The following SMYD3 variants were observed in gnomAD, a reference collection of about 807,000 sequenced individuals.
SMYD3 encodes the protein histone-lysine N-methyltransferase SMYD3.
SMYD3 carries 36 observed loss-of-function variants against 57.7 expected under a neutral mutation model. That is an observed-to-expected ratio of 0.62 (90% CI 0.48 to 0.82). The LOEUF (loss-of-function observed/expected upper bound fraction) is 0.82, where lower values mean the gene tolerates loss of function less well. SMYD3 is among the 40% of genes least tolerant of loss of function. The probability of loss-of-function intolerance (pLI) is 0.00; values close to 1 mark genes in which losing one functional copy is unlikely to be tolerated. For missense variants in SMYD3, 515 were observed against 538.8 expected (o/e 0.96, Z 0.44); for synonymous variants, 211 against 195.0 (o/e 1.08, Z -0.68).
chr1:246,297,670 G>A (rs981938318), intron 5 of SMYD3, among the ~76,000 whole-genome samples: 1 of 152,182 alleles, frequency 6.6e-6, no homozygotes, highest in South Asian at 2.1e-4. Flanking sequence ...ATATTTTTCT[G>A]ATGCATCAAA....
In SMYD3 at chr1:245,827,852, A is replaced by C. The variant is rs971674133; in HGVS notation, c.1076+30644T>G. On this transcript the variant is annotated intron_variant, in intron 10 of 11. Coordinates refer to ENST00000490107, the MANE Select transcript of SMYD3 (RefSeq NM_001167740.2). ...GTGGTTACAGAGCTAATTAATGAGG[A>C]GCCGAGTCCAGAACCCAGTCTTCTG... 5.9e-5 allele frequency among the ~76,000 whole-genome samples: 9 copies of C among 152,294 alleles called. No homozygotes were observed. In the South Asian group the frequency reaches 1.9e-3, roughly 32 times the overall value.
At chr1:246,326,773 A>C (rs1300136640) in intron 5 of SMYD3, 1 of 255,678 alleles carries the variant, frequency 3.9e-6, no homozygotes, top group Non-Finnish European at 7.3e-6. Context: ...AAAAACAAAA[A>C]AGAAAAGAAA....
intron 5 of SMYD3, among the ~76,000 whole-genome samples, chr1:245,985,105 G>C (rs532979955): frequency 6.6e-6 from 1 of 151,974 alleles, no homozygotes; most frequent in African/African-American, 2.4e-5. Context: ...TCCCTATCCT[G>C]GATCTCCTAC....
At chr1:246,505,124 A>G (rs1052814940) in intron 1 of SMYD3, among the ~76,000 whole-genome samples, 2 of 152,216 alleles carry the variant, frequency 1.3e-5, no homozygotes, top group African/African-American at 2.4e-5. Context: ...TTTGTCAGTC[A>G]TTATGAAGAA....
intron 8 of SMYD3, among the ~76,000 whole-genome samples, chr1:245,898,364 TG>T (rs940261569): frequency 5.3e-5 from 8 of 152,310 alleles, no homozygotes; most frequent in African/African-American, 1.7e-4. Context: ...CAAAATCTTT[TG>T]GGTGGAGGAA....
chr1:246,170,485 T>C (rs2062310807), intron 5 of SMYD3, among the ~76,000 whole-genome samples: 1 of 152,014 alleles, frequency 6.6e-6, no homozygotes, highest in Non-Finnish European at 1.5e-5. Flanking sequence ...TGAATAATTT[T>C]TTCTTAATTT....
intron 1 of SMYD3, among the ~76,000 whole-genome samples, chr1:246,398,698 T>C (rs955848471): frequency 6.6e-6 from 1 of 152,116 alleles, no homozygotes; most frequent in Non-Finnish European, 1.5e-5. Context: ...GGGCTCAGGT[T>C]AGTCAGATCA....
intron 1 of SMYD3, among the ~76,000 whole-genome samples, chr1:246,407,505 C>T (rs1477707407): frequency 6.6e-6 from 1 of 152,162 alleles, no homozygotes; most frequent in Non-Finnish European, 1.5e-5. Context: ...GCTGAGGCTG[C>T]TATAACAGAA....
chr1:246,487,996 C>T (rs1279925692), intron 1 of SMYD3, among the ~76,000 whole-genome samples: 2 of 152,056 alleles, frequency 1.3e-5, no homozygotes, highest in African/African-American at 4.8e-5. Context: ...GCCTGGCCCT[C>T]CCTTTTAGCA....
At chr1:246,172,652 C>T (rs1293166240) in intron 5 of SMYD3, among the ~76,000 whole-genome samples, 3 of 148,798 alleles carry the variant, frequency 2.0e-5, no homozygotes, top group African/African-American at 7.5e-5. Context: ...CTGTACTCTA[C>T]TGTAGACTTT....
At chr1:245,985,878 T>C (rs1214274046) in intron 5 of SMYD3, among the ~76,000 whole-genome samples, 3 of 152,154 alleles carry the variant, frequency 2.0e-5, no homozygotes, top group South Asian at 4.1e-4. Flanking sequence ...TGGCTCTCAT[T>C]CCACTTGAAA....
At chr1:245,854,174 T>C (rs760284034) in intron 10 of SMYD3, among the ~76,000 whole-genome samples, 19 of 152,238 alleles carry the variant, frequency 1.2e-4, no homozygotes, top group Admixed American at 9.2e-4. Context: ...GAAATGGCTT[T>C]AGATCAGAAA....
chr1:246,488,018 T>C (rs952353591), intron 1 of SMYD3, among the ~76,000 whole-genome samples: 4 of 152,156 alleles, frequency 2.6e-5, no homozygotes, highest in Non-Finnish European at 5.9e-5. Context: ...TTCCTATGCA[T>C]GGTGGCCACA....
chr1:246,371,494 G>A (rs2066190723), intron 1 of SMYD3, among the ~76,000 whole-genome samples: 1 of 152,110 alleles, frequency 6.6e-6, no homozygotes. Context: ...TTTAAAAAAT[G>A]AGGAAGAAGA....
chr1:245,773,159 C>CA (rs1284666043), intron 10 of SMYD3, among the ~76,000 whole-genome samples: 5 of 136,066 alleles, frequency 3.7e-5, no homozygotes, highest in Non-Finnish European at 6.5e-5. Context: ...AACAAACAAA[C>CA]AAAAAAACAG....
intron 5 of SMYD3, among the ~76,000 whole-genome samples, chr1:246,207,412 T>C (rs764296819): frequency 1.3e-5 from 2 of 152,136 alleles, no homozygotes; most frequent in Non-Finnish European, 2.9e-5. Context: ...AGCCTGAAGA[T>C]CTCTTAGCGC....
At chr1:245,968,822 G>A (rs1361626276) in intron 5 of SMYD3, among the ~76,000 whole-genome samples, 1 of 152,134 alleles carries the variant, frequency 6.6e-6, no homozygotes, top group East Asian at 1.9e-4. Flanking sequence ...GTAAATTTCA[G>A]CCTTCTCAGG....
At chr1:246,311,698 A>T (rs1269465348) in intron 5 of SMYD3, among the ~76,000 whole-genome samples, 1 of 152,210 alleles carries the variant, frequency 6.6e-6, no homozygotes, top group East Asian at 1.9e-4. Context: ...AGCCATAACT[A>T]GGCCTTGCTG....
At chr1:245,825,430 G>A (rs932988304) in intron 10 of SMYD3, among the ~76,000 whole-genome samples, 1 of 152,304 alleles carries the variant, frequency 6.6e-6, no homozygotes, top group South Asian at 2.1e-4. Context: ...CTCCACCTGG[G>A]ATGAGATTGA....
Sources: gnomAD v4.1 joint callset for allele counts (sites outside exome capture counted in the v4.1 genomes callset) on GRCh38, gnomAD v4.1.1 for gene constraint, MANE v1.5 for transcripts, NCBI Gene and HGNC (gene_info 2026-07-23, HGNC 2026-07-21) for gene names.